Variants in MAP4K3 observed in about 807,000 individuals in gnomAD.
MAP4K3 encodes the protein mitogen-activated protein kinase kinase kinase kinase 3.
MAP4K3 carries 94 observed loss-of-function variants against 143.5 expected under a neutral mutation model. That is an observed-to-expected ratio of 0.65 (90% CI 0.55 to 0.78). The LOEUF is 0.78. Among genes scored for constraint, MAP4K3 ranks in the 30% least tolerant of loss-of-function variants. MAP4K3 has a pLI of 0.00. For missense variants in MAP4K3, 1,077 were observed against 1,068.1 expected (o/e 1.01, Z -0.12); for synonymous variants, 416 against 347.2 (o/e 1.20, Z -2.20).
intron 31 of MAP4K3, among the ~76,000 whole-genome samples, chr2:39,257,819 T>G (rs532111006): frequency 7.0e-6 from 1 of 142,734 alleles, no homozygotes; most frequent in African/African-American, 2.7e-5. Flanking sequence ...AAAAAAGAAA[T>G]GATATTACTT....
intron 7 of MAP4K3, among the ~76,000 whole-genome samples, chr2:39,332,824 G>C (rs1016973834): frequency 6.6e-6 from 1 of 151,850 alleles, no homozygotes; most frequent in Admixed American, 6.6e-5. Context: ...TAATCTCACA[G>C]GTTATAGTTC....
chr2:39,337,473 GT>G lies in MAP4K3; in HGVS notation c.366+52del, dbSNP rs377458598. ...TTGCTGAACAGGTAATGCACAGTAA[GT>G]AAAGCCTTAGTTTAATGAAAAATGT... On this transcript the variant is annotated intron_variant, in intron 5 of 33. Transcript: ENST00000263881. 2,171 of 1,350,846 alleles carry G rather than the reference GT, an allele frequency of 1.6e-3. 31 individuals are homozygous for G. The African/African-American group carries it at 0.028, about 18-fold the overall frequency. The allele number at this position is 1,350,846 out of a possible 1,614,324, so 83.7% of individuals were successfully genotyped here.
At chr2:39,376,083 G>A (rs1666210749) in intron 2 of MAP4K3, among the ~76,000 whole-genome samples, 1 of 152,176 alleles carries the variant, frequency 6.6e-6, no homozygotes, top group African/African-American at 2.4e-5. Context: ...TAGAATTGCT[G>A]GGTCATTATG....
intron 22 of MAP4K3, 76 bp downstream of exon 22, chr2:39,282,437 C>CA (rs970822522): frequency 1.1e-4 from 129 of 1,219,196 alleles, no homozygotes; most frequent in Non-Finnish European, 1.4e-4. Flanking sequence ...TTCAAACAGA[C>CA]AAAAAAACCT....
chr2:39,416,103 T>C (rs1045505643), intron 1 of MAP4K3, among the ~76,000 whole-genome samples: 1 of 148,258 alleles, frequency 6.7e-6, no homozygotes, highest in South Asian at 2.1e-4. Context: ...CTCATTCAAT[T>C]ATATGGTAAA....
chr2:39,384,610 T>C (rs1362683958), intron 1 of MAP4K3, among the ~76,000 whole-genome samples: 1 of 152,240 alleles, frequency 6.6e-6, no homozygotes, highest in Non-Finnish European at 1.5e-5. Context: ...TCTGCATTGA[T>C]GGAAATGATC....
At chr2:39,345,304 G>C (rs1435229437) in intron 3 of MAP4K3, among the ~76,000 whole-genome samples, 1 of 139,740 alleles carries the variant, frequency 7.2e-6, no homozygotes, top group Non-Finnish European at 1.5e-5. Context: ...GGGTCGGGGG[G>C]AAGGTGCAGG....
At chr2:39,328,039 A>G (rs1249400554) in intron 8 of MAP4K3, among the ~76,000 whole-genome samples, 2 of 152,238 alleles carry the variant, frequency 1.3e-5, no homozygotes, top group South Asian at 4.1e-4. Context: ...TTTAAAAGTT[A>G]GCGAATGCTG....
chr2:39,393,247 C>T (rs933643956), intron 1 of MAP4K3, among the ~76,000 whole-genome samples: 1 of 152,190 alleles, frequency 6.6e-6, no homozygotes, highest in Non-Finnish European at 1.5e-5. Context: ...AATGTACAAA[C>T]TGGTGGCAAA....
intron 13 of MAP4K3, 28 bp from the exon 14 acceptor site, chr2:39,309,547 G>GA: frequency 4.8e-6 from 3 of 620,256 alleles, no homozygotes; most frequent in Non-Finnish European, 7.8e-6. Flanking sequence ...GTAAAACCAG[G>GA]ATTTTTTTTT....
At chr2:39,423,361 T>C (rs1664952674) in intron 1 of MAP4K3, among the ~76,000 whole-genome samples, 1 of 152,208 alleles carries the variant, frequency 6.6e-6, no homozygotes, top group Admixed American at 6.5e-5. Flanking sequence ...ATTTTGGCAG[T>C]TTCTTATAGA....
At chr2:39,385,855 C>T (rs1426682704) in intron 1 of MAP4K3, among the ~76,000 whole-genome samples, 1 of 151,998 alleles carries the variant, frequency 6.6e-6, no homozygotes, top group Non-Finnish European at 1.5e-5. Context: ...TGGTCTCAAA[C>T]TCCTGACGTC....
At chr2:39,294,792 A>T (rs1181375360) in intron 16 of MAP4K3, among the ~76,000 whole-genome samples, 1 of 152,190 alleles carries the variant, frequency 6.6e-6, no homozygotes, top group African/African-American at 2.4e-5. Context: ...GCTAAATAAC[A>T]TTTCCTTAAA....
At chr2:39,273,087 C>G (rs1259132515) in intron 24 of MAP4K3, among the ~76,000 whole-genome samples, 1 of 151,852 alleles carries the variant, frequency 6.6e-6, no homozygotes, top group Non-Finnish European at 1.5e-5. Flanking sequence ...AAATTTATTA[C>G]TAAAATTTAG....
intron 1 of MAP4K3, among the ~76,000 whole-genome samples, chr2:39,398,243 G>C (rs567612532): frequency 1.4e-3 from 207 of 151,858 alleles, no homozygotes; most frequent in Non-Finnish European, 2.4e-3. Context: ...AAGTGCAAAA[G>C]GACTGGCTGA....
chr2:39,263,022 G>C (rs2148442978), intron 28 of MAP4K3, among the ~76,000 whole-genome samples: 1 of 152,018 alleles, frequency 6.6e-6, no homozygotes, highest in South Asian at 2.1e-4. Flanking sequence ...ATCCTGGGAG[G>C]CTGAGGGTGC....
At chr2:39,293,184 A>T (rs762670789) in intron 17 of MAP4K3, 46 bp downstream of exon 17, 8 of 1,338,074 alleles carry the variant, frequency 6.0e-6, no homozygotes, top group Non-Finnish European at 7.3e-6. Flanking sequence ...AACTGACTTT[A>T]CTTGTCTGTG....
intron 3 of MAP4K3, among the ~76,000 whole-genome samples, chr2:39,348,097 C>G (rs755786529): frequency 2.0e-5 from 3 of 152,054 alleles, no homozygotes; most frequent in Non-Finnish European, 4.4e-5. Flanking sequence ...TCTAGCTGCT[C>G]TATAATTATC....
chr2:39,377,457 T>C (rs901046600), intron 2 of MAP4K3, among the ~76,000 whole-genome samples: 1 of 151,798 alleles, frequency 6.6e-6, no homozygotes, highest in Non-Finnish European at 1.5e-5. Context: ...AGTGAGTAAT[T>C]AGCTAAGAAA....
Sources: allele counts gnomAD v4.1 joint callset (sites outside exome capture counted in the v4.1 genomes callset), GRCh38; gene constraint gnomAD v4.1.1; transcripts MANE v1.5; gene names NCBI Gene and HGNC (gene_info 2026-07-23, HGNC 2026-07-21).